The following RAB3GAP2 variants were observed in gnomAD, a reference collection of about 807,000 sequenced individuals.
RAB3GAP2 encodes rab3 GTPase-activating protein non-catalytic subunit.
RAB3GAP2 carries 87 observed loss-of-function variants against 185.3 expected under a neutral mutation model. The ratio of observed to expected loss-of-function variants is 0.47; its 90% CI spans 0.39 to 0.56. The LOEUF (loss-of-function observed/expected upper bound fraction) is 0.56, where lower values mean the gene tolerates loss of function less well. Among genes scored for constraint, RAB3GAP2 ranks in the 20% least tolerant of loss-of-function variants. The pLI is 0.00. For synonymous variants in RAB3GAP2, 554 were observed against 576.1 expected, an observed-to-expected ratio of 0.96 and a Z score of 0.55; for missense variants, 1,492 against 1,638.2, an observed-to-expected ratio of 0.91 and a Z score of 1.54.
rs1571878760 is a variant in RAB3GAP2 at position 220,167,290 on chromosome 1, T to C, written c.3087+3A>G. On this transcript the variant is annotated splice_donor_region_variant and intron_variant, in intron 26 of 34. Transcript: ENST00000358951. The stretch of plus-strand genomic sequence containing the variant: ...AACATGAAAGAGGTAACGAGAATCT[T>C]ACCTCTGGATCTTTATTCCACTGAA... 1.9e-6 allele frequency: 3 copies of C among 1,611,486 alleles called. No homozygotes were observed. The South Asian group carries it at 3.3e-5, about 18-fold the overall frequency.
intron 21 of RAB3GAP2, among the ~76,000 whole-genome samples, chr1:220,181,738 C>A (rs116992228): frequency 6.6e-6 from 1 of 152,042 alleles, no homozygotes; most frequent in Non-Finnish European, 1.5e-5. Flanking sequence ...GCCAACTATA[C>A]GATATGCTTG....
intron 2 of RAB3GAP2, among the ~76,000 whole-genome samples, chr1:220,231,152 G>A (rs1362300048): frequency 1.3e-5 from 2 of 152,192 alleles, no homozygotes; most frequent in Non-Finnish European, 2.9e-5. Context: ...CACAAAGCTT[G>A]ACATCTGGCC....
chr1:220,154,108 G>T, intron 31 of RAB3GAP2, 51 bp from the exon 32 acceptor site: 1 of 1,602,124 alleles, frequency 6.2e-7, no homozygotes, highest in Middle Eastern at 1.7e-4. Flanking sequence ...ATTAAGGGGG[G>T]AGAGGGAGAA....
intron 18 of RAB3GAP2, 53 bp downstream of exon 18, chr1:220,185,598 G>A (rs763423514): frequency 6.8e-6 from 9 of 1,329,810 alleles, no homozygotes; most frequent in Non-Finnish European, 8.7e-6. Context: ...TATAATCAGA[G>A]TTACAAAATT....
intron 21 of RAB3GAP2, among the ~76,000 whole-genome samples, chr1:220,173,592 G>C (rs1013624506): frequency 6.6e-6 from 1 of 152,226 alleles, no homozygotes; most frequent in African/African-American, 2.4e-5. Flanking sequence ...GGACGACTTA[G>C]GGCCAGGAGC....
At chr1:220,261,482 T>C (rs1309562970) in intron 1 of RAB3GAP2, among the ~76,000 whole-genome samples, 1 of 152,206 alleles carries the variant, frequency 6.6e-6, no homozygotes, top group Non-Finnish European at 1.5e-5. Context: ...TCACTCCACT[T>C]CCACTTTACC....
chr1:220,205,195 T>G (rs192716327), intron 8 of RAB3GAP2, among the ~76,000 whole-genome samples: 136 of 152,310 alleles, frequency 8.9e-4, no homozygotes, highest in African/African-American at 3.1e-3. Context: ...TGATGAAATA[T>G]CTCTTCCAAA....
intron 12 of RAB3GAP2, among the ~76,000 whole-genome samples, 167 bp downstream of exon 12, chr1:220,194,911 A>G (rs930450537): frequency 2.4e-4 from 36 of 152,144 alleles, no homozygotes; most frequent in African/African-American, 8.4e-4. Flanking sequence ...GGTAAGAATC[A>G]CTCTTCACAT....
At chr1:220,256,934 A>C (rs1329793875) in intron 1 of RAB3GAP2, among the ~76,000 whole-genome samples, 1 of 152,184 alleles carries the variant, frequency 6.6e-6, no homozygotes, top group Non-Finnish European at 1.5e-5. Flanking sequence ...CCCAAATTCA[A>C]CTGCATATGC....
At chr1:220,167,182 A>G in intron 26 of RAB3GAP2, 111 bp downstream of exon 26, 1 of 950,926 alleles carries the variant, frequency 1.1e-6, no homozygotes, top group South Asian at 1.4e-5. Context: ...AGGCATTACA[A>G]CGGGGAAAAA....
At chr1:220,266,664 C>T (rs1660232018) in intron 1 of RAB3GAP2, 1 of 1,502,170 alleles carries the variant, frequency 6.7e-7, no homozygotes, top group Non-Finnish European at 9.2e-7. Context: ...AGAGGTTATA[C>T]AGCAGCCCTG....
chr1:220,197,728 T>C (rs1659289320), intron 9 of RAB3GAP2, among the ~76,000 whole-genome samples: 2 of 152,216 alleles, frequency 1.3e-5, no homozygotes, highest in South Asian at 2.1e-4. Flanking sequence ...CATGGGAGTA[T>C]AAATTACTAC....
rs988522443 is a variant in RAB3GAP2, at chr1:220,175,631, A to AT, written c.2311-2890dup. ...CATCAAAATTGGCAGCCAGAAGTTT[A>AT]TTTTATATTAAGGCAGCCAAAAAAA... is the stretch of plus-strand genomic sequence containing the variant. On this transcript the variant is annotated intron_variant, in intron 21 of 34. Transcript: ENST00000358951. Among the ~76,000 whole-genome samples the AT allele has an allele frequency of 3.3e-5, 5 of 152,322 alleles. No individual in the cohort carries two copies. In the East Asian group the frequency reaches 9.6e-4, roughly 29 times the overall value.
At chr1:220,207,760 T>C (rs752170429) in intron 7 of RAB3GAP2, 3 of 152,202 alleles carry the variant, frequency 2.0e-5, no homozygotes, top group South Asian at 2.1e-4. Context: ...ACAAACACCA[T>C]TGGCCCCAAA....
chr1:220,160,045 A>C (rs1475549799), intron 28 of RAB3GAP2, among the ~76,000 whole-genome samples: 1 of 152,122 alleles, frequency 6.6e-6, no homozygotes, highest in Admixed American at 6.6e-5. Context: ...CTAAAAAAAA[A>C]ACCCAGAGCC....
At chr1:220,236,952 C>T (rs1659605566) in intron 1 of RAB3GAP2, among the ~76,000 whole-genome samples, 1 of 152,184 alleles carries the variant, frequency 6.6e-6, no homozygotes, top group African/African-American at 2.4e-5. Context: ...AACTCTACGT[C>T]ATCATGAAGA....
rs1388014924 is a variant in RAB3GAP2 at position 220,202,171 on chromosome 1, T to A, written c.811+105A>T. On this transcript the variant is annotated intron_variant, in intron 9 of 34. Coordinates refer to ENST00000358951, the MANE Select transcript of RAB3GAP2 (RefSeq NM_012414.4). Reference sequence around the variant, plus strand: ...CAGAGCAAAGCTCCATCTTAAAAAATAATAATAATAAATAAAGAATAAATG... The same window carrying A: ...CAGAGCAAAGCTCCATCTTAAAAAAAAATAATAATAAATAAAGAATAAATG... The A allele has an allele frequency of 3.9e-5, 48 of 1,224,256 alleles. No individual in the cohort carries two copies. In the Admixed American group the frequency reaches 4.2e-4, roughly 11 times the overall value. 75.8% of individuals were successfully genotyped at this position (1,224,256 alleles called of 1,614,324 possible).
rs538428764 is a variant in RAB3GAP2 at position 220,154,978 on chromosome 1, G to T, written c.3556-921C>A. Among the ~76,000 whole-genome samples the T allele has an allele frequency of 1.8e-4, 27 of 152,282 alleles. No homozygotes were observed. The South Asian group carries it at 5.6e-3, about 32-fold the overall frequency. Reference sequence around the variant, plus strand: ...GACCTCAGGTGATCTGCCCGCCTCAGCCTCCCAAAGTGCTGGGATTACAGG... The same window carrying T: ...GACCTCAGGTGATCTGCCCGCCTCATCCTCCCAAAGTGCTGGGATTACAGG... On this transcript the variant is annotated intron_variant, in intron 31 of 34. Coordinates refer to ENST00000358951, the MANE Select transcript of RAB3GAP2 (RefSeq NM_012414.4).
chr1:220,169,572 G>A (rs1311025980), intron 24 of RAB3GAP2, among the ~76,000 whole-genome samples: 4 of 152,178 alleles, frequency 2.6e-5, no homozygotes, highest in South Asian at 4.1e-4. Flanking sequence ...GATCTAAGAC[G>A]GGAAGCACAC....
Sources: allele counts gnomAD v4.1 joint callset (sites outside exome capture counted in the v4.1 genomes callset), GRCh38; gene constraint gnomAD v4.1.1; transcripts MANE v1.5; gene names NCBI Gene and HGNC (gene_info 2026-07-23, HGNC 2026-07-21).